Variants in KIF26B observed in about 807,000 individuals in gnomAD.
KIF26B encodes the protein kinesin-like protein KIF26B.
Under a neutral mutation model 151.2 loss-of-function variants are expected in KIF26B, and 63 were observed. The observed-to-expected ratio is 0.42, with a 90% CI of 0.34 to 0.51. The LOEUF is 0.51. KIF26B is among the 20% of genes least tolerant of loss of function. The probability of loss-of-function intolerance (pLI) is 0.07; values close to 1 mark genes in which losing one functional copy is unlikely to be tolerated. For synonymous variants in KIF26B, 1,357 were observed against 1,262.1 expected, an observed-to-expected ratio of 1.08 and a Z score of -1.59; for missense variants, 2,813 against 2,913.6, an observed-to-expected ratio of 0.97 and a Z score of 0.79.
intron 2 of KIF26B, among the ~76,000 whole-genome samples, chr1:245,157,288 A>G (rs1460493098): frequency 6.6e-6 from 1 of 152,066 alleles, no homozygotes; most frequent in African/African-American, 2.4e-5. Context: ...CTCCATAGCA[A>G]CCCTGCCCGC....
At chr1:245,205,568 C>T (rs754547428) in intron 2 of KIF26B, among the ~76,000 whole-genome samples, 3 of 152,156 alleles carry the variant, frequency 2.0e-5, no homozygotes, top group Non-Finnish European at 2.9e-5. Context: ...ACTCACTTGG[C>T]AACCTTATGG....
Position 245,698,871 on chromosome 1 carries a change from T to A in KIF26B, c.6028-16T>A, listed in dbSNP as rs772107021. On this transcript the variant is annotated splice_polypyrimidine_tract_variant and intron_variant, in intron 13 of 14. Transcript: ENST00000407071. This position sits in a 1 kb window ranked among gnomAD's most constrained non-coding sequence, Gnocchi z 4.0. ...GTGAGCAGAAGGGCCCTTTCTCCTC[T>A]CTGTCTGTGTGCTAGGAGGCCATGT... 6.2e-7 allele frequency: 1 copy of A among 1,610,418 alleles called. No individual in the cohort carries two copies. Among genetic ancestry groups the A allele is most frequent in the Non-Finnish European group, 8.5e-7 (1 of 1,177,536 alleles).
intron 4 of KIF26B, among the ~76,000 whole-genome samples, chr1:245,448,865 A>G (rs1316758837): frequency 6.6e-6 from 1 of 152,228 alleles, no homozygotes; most frequent in Non-Finnish European, 1.5e-5. Context: ...TTTCTTGAAC[A>G]TCTATGGAGT....
At chr1:245,525,612 T>C (rs902154571) in intron 4 of KIF26B, among the ~76,000 whole-genome samples, 2 of 152,222 alleles carry the variant, frequency 1.3e-5, no homozygotes, top group African/African-American at 4.8e-5. Flanking sequence ...AAGGAAAAGA[T>C]GATTGATTGG....
chr1:245,339,306 C>T (rs1213159578), intron 2 of KIF26B, among the ~76,000 whole-genome samples: 1 of 152,186 alleles, frequency 6.6e-6, no homozygotes. Flanking sequence ...GCCTTTGTCA[C>T]TGACTTAATG....
intron 12 of KIF26B, among the ~76,000 whole-genome samples, chr1:245,697,218 G>A (rs1572212953): frequency 6.6e-6 from 1 of 152,200 alleles, no homozygotes; most frequent in Non-Finnish European, 1.5e-5. Flanking sequence ...CCTGGAGGAG[G>A]CATGCTTCAG....
intron 6 of KIF26B, among the ~76,000 whole-genome samples, chr1:245,604,337 A>G (rs2043427311): frequency 6.6e-6 from 1 of 152,196 alleles, no homozygotes; most frequent in African/African-American, 2.4e-5. Flanking sequence ...CGATGTTCTC[A>G]CGGGCTCCTA....
At chr1:245,430,942 A>G (rs1269861032) in intron 4 of KIF26B, among the ~76,000 whole-genome samples, 1 of 152,200 alleles carries the variant, frequency 6.6e-6, no homozygotes, top group African/African-American at 2.4e-5. Flanking sequence ...AGGTGGGGAC[A>G]TTTGTGTCTT....
chr1:245,380,955 GA>G (rs35477111), intron 3 of KIF26B, among the ~76,000 whole-genome samples: 5,248 of 77,886 alleles, frequency 0.067, 274 homozygotes, highest in African/African-American at 0.17. Flanking sequence ...CCAAAAAGAT[GA>G]AAAAAAAAAA....
chr1:245,419,499 C>T, intron 3 of KIF26B, 80 bp from the exon 4 acceptor site: 1 of 1,390,402 alleles, frequency 7.2e-7, no homozygotes, highest in Non-Finnish European at 9.8e-7. Flanking sequence ...CCTCCCTCCC[C>T]CAAATAGAGA....
In KIF26B at chr1:245,386,406, G is replaced by A. The variant is rs55865285; in HGVS notation, c.999+19039G>A. Among the ~76,000 whole-genome samples the A allele has an allele frequency of 6.6e-3, 1,006 of 151,962 alleles. 9 individuals are homozygous for A. The highest frequency in any genetic ancestry group is 0.029 in the South Asian group (139 of 4,802). ...TGTACCTTTTGAGCCCAGTGACTCC[G>A]GTGCCTTGATGGGGGCCGGGGGCTA... On this transcript the variant is annotated intron_variant, in intron 3 of 14. Coordinates refer to ENST00000407071, the MANE Select transcript of KIF26B (RefSeq NM_018012.4).
chr1:245,359,080 G>A (rs1006796599), intron 2 of KIF26B, among the ~76,000 whole-genome samples: 4 of 151,766 alleles, frequency 2.6e-5, no homozygotes, highest in South Asian at 2.1e-4. Flanking sequence ...GTGCAGTGGC[G>A]CAGTCTCGGC....
intron 2 of KIF26B, among the ~76,000 whole-genome samples, chr1:245,259,076 C>A (rs1007651408): frequency 1.3e-5 from 2 of 152,184 alleles, no homozygotes; most frequent in African/African-American, 4.8e-5. Context: ...TCAAGCTGTG[C>A]CCCTAGCTGG....
At chr1:245,642,647 C>T (rs953365725) in intron 9 of KIF26B, among the ~76,000 whole-genome samples, 1 of 151,930 alleles carries the variant, frequency 6.6e-6, no homozygotes, top group Admixed American at 6.6e-5. Flanking sequence ...CTAGTAAGTC[C>T]CTGCATAGAC....
intron 4 of KIF26B, among the ~76,000 whole-genome samples, chr1:245,529,248 C>T (rs563847434): frequency 1.3e-5 from 2 of 152,206 alleles, no homozygotes; most frequent in African/African-American, 2.4e-5. Flanking sequence ...GTATAATGAG[C>T]CGAGAGGGGT....
At chr1:245,310,459 A>C (rs1490455754) in intron 2 of KIF26B, among the ~76,000 whole-genome samples, 1 of 152,216 alleles carries the variant, frequency 6.6e-6, no homozygotes, top group Non-Finnish European at 1.5e-5. Flanking sequence ...CTCACTTAGC[A>C]TCATGACAAT....
intron 3 of KIF26B, among the ~76,000 whole-genome samples, chr1:245,396,018 C>G (rs1423634039): frequency 6.6e-6 from 1 of 152,206 alleles, no homozygotes; most frequent in Non-Finnish European, 1.5e-5. Flanking sequence ...ACCATGTCCT[C>G]TAGAAAATCC....
chr1:245,611,642 C>T (rs2043522302), intron 8 of KIF26B, 151 bp from the exon 9 acceptor site: 5 of 653,416 alleles, frequency 7.7e-6, no homozygotes, highest in Middle Eastern at 4.2e-4. Flanking sequence ...AGCATAGCAC[C>T]TTGTTTCAGA....
At chr1:245,530,265 C>G (rs1380559691) in intron 4 of KIF26B, among the ~76,000 whole-genome samples, 1 of 152,162 alleles carries the variant, frequency 6.6e-6, no homozygotes, top group African/African-American at 2.4e-5. Context: ...CTGTAGAGAA[C>G]AGTTTGGAGC....
Sources: gnomAD v4.1 joint callset for allele counts (sites outside exome capture counted in the v4.1 genomes callset) on GRCh38, gnomAD v4.1.1 for gene constraint, Gnocchi (gnomAD v3.1) non-coding constraint, MANE v1.5 for transcripts, NCBI Gene and HGNC (gene_info 2026-07-23, HGNC 2026-07-21) for gene names.